The following OTC variants were observed in gnomAD, a reference collection of about 807,000 sequenced individuals.
OTC encodes the protein ornithine transcarbamylase.
In OTC, 3 loss-of-function variants were observed where a neutral mutation model predicts 30.3. The ratio of observed to expected loss-of-function variants is 0.10; its 90% confidence interval spans 0.05 to 0.26. The LOEUF (loss-of-function observed/expected upper bound fraction) is 0.26, where lower values mean the gene tolerates loss of function less well. OTC is among the 10% of genes least tolerant of loss of function. The pLI, the probability that OTC is intolerant of heterozygous loss-of-function variation, is 1.00. For synonymous variants in OTC, 111 were observed against 99.7 expected (o/e 1.11, Z -0.67); for missense variants, 194 against 260.3 (o/e 0.75, Z 1.75).
intron 9 of OTC, among the ~76,000 whole-genome samples, chrX:38,414,399 C>T (rs1011371921): frequency 1.8e-5 from 2 of 111,511 alleles, no homozygotes; most frequent in African/African-American, 3.3e-5. Flanking sequence ...TAGATCTTAC[C>T]GCCATCTCCC....
intron 9 of OTC, among the ~76,000 whole-genome samples, chrX:38,416,456 C>T (rs895333942): frequency 1.5e-4 from 17 of 111,565 alleles, no homozygotes; most frequent in African/African-American, 5.2e-4. Flanking sequence ...ATAAATTTTA[C>T]ACTGGAGCTA....
chrX:38,328,482 C>T, the OTC span, among the ~76,000 whole-genome samples: 2 of 112,238 alleles, frequency 1.8e-5, no homozygotes, highest in Non-Finnish European at 3.8e-5. Context: ...GAAGAAAGAA[C>T]ATTAAATCTA....
At chrX:38,397,425 C>T (rs1051353800) in intron 4 of OTC, among the ~76,000 whole-genome samples, 5 of 111,577 alleles carry the variant, frequency 4.5e-5, no homozygotes, top group African/African-American at 1.6e-4. Context: ...TGCCCAATAA[C>T]GTGAAACTGA....
At chrX:38,346,500 G>A in the OTC span, among the ~76,000 whole-genome samples, 5 of 112,403 alleles carry the variant, frequency 4.4e-5, no homozygotes, top group African/African-American at 1.6e-4. Flanking sequence ...AAACCTATAT[G>A]CAAATGTTTG....
intron 3 of OTC, among the ~76,000 whole-genome samples, chrX:38,372,809 T>G (rs187148226): frequency 8.9e-6 from 1 of 112,217 alleles, no homozygotes; most frequent in East Asian, 2.8e-4. Context: ...TTGGTACAAT[T>G]TTTCAACAAG....
chrX:38,410,729 G>A (rs1445030219), intron 8 of OTC, among the ~76,000 whole-genome samples: 1 of 111,778 alleles, frequency 8.9e-6, no homozygotes, highest in Admixed American at 9.5e-5. Flanking sequence ...CACTTGCTTG[G>A]CCAATCTTAT....
chrX:38,340,901 A>G, the OTC span, among the ~76,000 whole-genome samples: 25 of 109,810 alleles, frequency 2.3e-4, no homozygotes, highest in African/African-American at 7.7e-4. Flanking sequence ...GGTTCAAGCA[A>G]TTTTCCTGCC....
At chrX:38,361,038 A>G (rs941413176) in intron 1 of OTC, among the ~76,000 whole-genome samples, 2 of 112,418 alleles carry the variant, frequency 1.8e-5, no homozygotes, top group Non-Finnish European at 3.8e-5. Context: ...ATGAAAGTGC[A>G]GCAGAGAAAT....
intron 2 of OTC, among the ~76,000 whole-genome samples, chrX:38,369,581 G>A (rs565741039): frequency 5.6e-5 from 6 of 106,980 alleles, no homozygotes; most frequent in South Asian, 4.2e-4. Context: ...GGCTGGTCTC[G>A]AACTCCTGAC....
At chrX:38,337,867 T>C in the OTC span, among the ~76,000 whole-genome samples, 1 of 110,819 alleles carries the variant, frequency 9.0e-6, no homozygotes, top group Non-Finnish European at 1.9e-5. Flanking sequence ...TGGGAAATGA[T>C]AGAGAAGACA....
At chrX:38,366,283 T>A (rs1333875063) in intron 1 of OTC, among the ~76,000 whole-genome samples, 3 of 112,069 alleles carry the variant, frequency 2.7e-5, no homozygotes, top group African/African-American at 9.7e-5. Context: ...AAGGTTTTTT[T>A]AAAATCACTA....
chrX:38,406,344 A>C (rs2068515707), intron 6 of OTC, among the ~76,000 whole-genome samples: 1 of 112,354 alleles, frequency 8.9e-6, no homozygotes. Flanking sequence ...TTTGTCCATG[A>C]TTGTAAAATT....
At position 38,403,668 on chromosome X, in the gene OTC, G is replaced by A. The variant is rs1569279948; in HGVS notation, c.591G>A (p.Gly197=). 7 of 1,208,017 alleles carry A rather than the reference G, an allele frequency of 5.8e-6. No homozygotes were observed. Among genetic ancestry groups the A allele is most frequent in the Non-Finnish European group, 7.8e-6 (7 of 892,023 alleles). Residue 197 remains glycine (G), a synonymous_variant, in exon 6 of 10, where the codon GGG becomes GGA. Coordinates refer to ENST00000039007, the MANE Select transcript of OTC (RefSeq NM_000531.6). The part of the protein sequence containing the change: ...KGLTLSWIGD[G]NNILHSIMMS... ...TTACCCTCAGCTGGATCGGGGATGG[G>A]AACAATATCCTGCACTCCATCATGA...
At chrX:38,329,794 A>G in the OTC span, among the ~76,000 whole-genome samples, 1 of 111,620 alleles carries the variant, frequency 9.0e-6, no homozygotes, top group South Asian at 3.8e-4. Context: ...TAGTTCATTT[A>G]CATAGTAACC....
At chrX:38,343,492 C>A in the OTC span, among the ~76,000 whole-genome samples, 1 of 112,361 alleles carries the variant, frequency 8.9e-6, no homozygotes, top group Middle Eastern at 4.6e-3. Flanking sequence ...TCGTGCTTTG[C>A]ATCTCAACTG....
chrX:38,380,070 T>C (rs2068368231), intron 3 of OTC, among the ~76,000 whole-genome samples: 1 of 111,876 alleles, frequency 8.9e-6, no homozygotes, highest in Non-Finnish European at 1.9e-5. Flanking sequence ...AATACATCAG[T>C]TTGTATCCCC....
At chrX:38,352,429 A>G (rs1429778043), upstream of OTC, 1 of 338,625 alleles carries the variant, frequency 3.0e-6, no homozygotes, top group Non-Finnish European at 5.2e-6. Context: ...ATATTATGAA[A>G]AATGAGGAGG....
intron 3 of OTC, 134 bp downstream of exon 3, chrX:38,370,011 C>A: frequency 4.7e-6 from 2 of 429,635 alleles, no homozygotes; most frequent in Non-Finnish European, 8.4e-6. Flanking sequence ...CTGGGAGCAG[C>A]AATGCAAGCC....
At chrX:38,379,911 A>G (rs868166667) in intron 3 of OTC, among the ~76,000 whole-genome samples, 1 of 112,134 alleles carries the variant, frequency 8.9e-6, no homozygotes, top group African/African-American at 3.2e-5. Flanking sequence ...GAAACTTTCA[A>G]ATAAACAGAA....
Sources: allele counts gnomAD v4.1 joint callset (sites outside exome capture counted in the v4.1 genomes callset), GRCh38; gene constraint gnomAD v4.1.1; transcripts MANE v1.5; gene names NCBI Gene and HGNC (gene_info 2026-07-23, HGNC 2026-07-21).